Variants in INPP4A observed in about 807,000 individuals in gnomAD.
INPP4A encodes inositol polyphosphate-4-phosphatase, type I, 107kD.
A neutral mutation model predicts 119.8 loss-of-function variants in INPP4A; 33 were observed. The ratio of observed to expected loss-of-function variants is 0.28; its 90% CI spans 0.21 to 0.37. The LOEUF is 0.37. Ranked by LOEUF, INPP4A falls within the 10% of genes least tolerant of loss-of-function variation. The pLI is 1.00. For synonymous variants in INPP4A, 496 were observed against 500.7 expected (o/e 0.99, Z 0.12); for missense variants, 956 against 1,289.9 (o/e 0.74, Z 3.97).
Position 98,557,063 on chromosome 2 carries a change from A to G in INPP4A, c.1822+1255A>G, listed in dbSNP as rs989236763. Among the ~76,000 whole-genome samples the G allele has an allele frequency of 3.3e-5, 5 of 152,294 alleles. 1 individual carries two copies. The highest frequency in any genetic ancestry group is 2.0e-4 in the Admixed American group (3 of 15,306). ...TTTTCTACAGATAATGAAAAGGGTA[A>G]TTTATTGGCTGTTTTAAATGTGGGA... On this transcript the variant is annotated intron_variant, in intron 16 of 24. Coordinates refer to ENST00000409851, the MANE Select transcript of INPP4A (RefSeq NM_001134225.2).
At chr2:98,502,571 T>C (rs982469855) in intron 1 of INPP4A, among the ~76,000 whole-genome samples, 21 of 152,146 alleles carry the variant, frequency 1.4e-4, no homozygotes, top group African/African-American at 5.1e-4. Context: ...CAATGTATTC[T>C]CTCCCTCTCA....
At chr2:98,538,304 T>C (rs1261863276) in intron 8 of INPP4A, among the ~76,000 whole-genome samples, 1 of 152,258 alleles carries the variant, frequency 6.6e-6, no homozygotes, top group East Asian at 1.9e-4. Flanking sequence ...CAAAGAGGCA[T>C]TTAGGACCCA....
chr2:98,574,858 C>G (rs1462939608), intron 23 of INPP4A, among the ~76,000 whole-genome samples: 1 of 152,120 alleles, frequency 6.6e-6, no homozygotes, highest in Admixed American at 6.5e-5. Context: ...ACTGACCATC[C>G]CCTGTCACCA....
chr2:98,550,570 C>A (rs898798692), intron 13 of INPP4A, among the ~76,000 whole-genome samples: 1 of 152,188 alleles, frequency 6.6e-6, no homozygotes, highest in African/African-American at 2.4e-5. Context: ...AGGGCTATAC[C>A]TAGGATACTG....
intron 1 of INPP4A, among the ~76,000 whole-genome samples, chr2:98,514,777 G>C (rs1685781689): frequency 6.6e-6 from 1 of 152,110 alleles, no homozygotes; most frequent in Admixed American, 6.5e-5. Flanking sequence ...TAATTATCCA[G>C]ATGTGGTGGC....
intron 11 of INPP4A, among the ~76,000 whole-genome samples, chr2:98,545,467 G>A (rs1006740825): frequency 2.6e-5 from 4 of 152,162 alleles, no homozygotes; most frequent in African/African-American, 9.7e-5. Flanking sequence ...ATCTTGATGG[G>A]CCTGCAGGGA....
chr2:98,452,997 A>G (rs1695494292), intron 1 of INPP4A, among the ~76,000 whole-genome samples: 1 of 152,250 alleles, frequency 6.6e-6, no homozygotes, highest in Non-Finnish European at 1.5e-5. Context: ...GCCTGGAGAC[A>G]GCCCAAGTGA....
intron 1 of INPP4A, among the ~76,000 whole-genome samples, chr2:98,496,519 A>G (rs1359349261): frequency 1.3e-5 from 2 of 152,204 alleles, no homozygotes; most frequent in Admixed American, 6.5e-5. Context: ...AAAAATAGAA[A>G]AATGGCATTA....
At chr2:98,509,839 A>G (rs779032122) in intron 1 of INPP4A, among the ~76,000 whole-genome samples, 1 of 152,222 alleles carries the variant, frequency 6.6e-6, no homozygotes, top group African/African-American at 2.4e-5. Flanking sequence ...TTCATGGTAT[A>G]TGGGTGAACC....
chr2:98,560,004 A>G (rs1695177029), intron 17 of INPP4A, among the ~76,000 whole-genome samples: 1 of 152,276 alleles, frequency 6.6e-6, no homozygotes, highest in South Asian at 2.1e-4. Context: ...GTTAGAAACC[A>G]ACCTTGCCCA....
chr2:98,505,061 A>G (rs1190391436), intron 1 of INPP4A, among the ~76,000 whole-genome samples: 4 of 152,246 alleles, frequency 2.6e-5, no homozygotes, highest in Non-Finnish European at 4.4e-5. Context: ...CTCTGTTAGC[A>G]TGGACTTTTG....
rs1700440982 is a variant in INPP4A at position 98,592,317 on chromosome 2, G to A, written c.*4709G>A. 1 of 152,564 alleles carries A rather than the reference G, an allele frequency of 6.6e-6. No homozygotes were observed. The highest frequency in any genetic ancestry group is 6.5e-5 in the Admixed American group (1 of 15,290). The allele number at this position is 152,564 out of a possible 1,614,324, so 9.5% of individuals were successfully genotyped here. ...CGCTCCCTGTGGAACCTGCAGGGGT[G>A]GCAGTGATGACAGAACCAAGGGGGT... On this transcript the variant is annotated 3_prime_UTR_variant, in exon 25 of 25. Transcript: ENST00000409851.
chr2:98,505,422 A>T (rs979092868), intron 1 of INPP4A, among the ~76,000 whole-genome samples: 7 of 141,794 alleles, frequency 4.9e-5, no homozygotes, highest in African/African-American at 1.8e-4. Context: ...GAGCTCGTTC[A>T]CTTTCCCTGC....
intron 13 of INPP4A, among the ~76,000 whole-genome samples, chr2:98,551,155 G>A (rs938101702): frequency 6.6e-6 from 1 of 152,108 alleles, no homozygotes; most frequent in Non-Finnish European, 1.5e-5. Context: ...GGGGTCTCAC[G>A]ATGTTGCCCA....
intron 1 of INPP4A, among the ~76,000 whole-genome samples, chr2:98,448,883 T>G (rs753612968): frequency 5.3e-5 from 8 of 152,106 alleles, no homozygotes; most frequent in Non-Finnish European, 1.0e-4. Context: ...TTAAATATTT[T>G]ATAGGGGCTG....
At position 98,591,891 on chromosome 2, in the gene INPP4A, C is replaced by T. The variant is rs1428401703; in HGVS notation, c.*4283C>T. 5 of 152,250 alleles carry T rather than the reference C, an allele frequency of 3.3e-5. No individual in the cohort carries two copies. The highest frequency in any genetic ancestry group is 1.2e-4 in the African/African-American group (5 of 41,462). 9.4% of individuals were successfully genotyped at this position (152,250 alleles called of 1,614,324 possible). ...GAATAGAGGTTTCTCACAGTATCCT[C>T]AGCAGCATTGAGTGTTCCTAATGTT... On this transcript the variant is annotated 3_prime_UTR_variant, in exon 25 of 25. Transcript: ENST00000409851.
At chr2:98,583,326 CAA>C (rs11348569) in intron 24 of INPP4A, among the ~76,000 whole-genome samples, 2 of 148,926 alleles carry the variant, frequency 1.3e-5, no homozygotes. Flanking sequence ...GAAAAAATGC[CAA>C]AAAAAAAAGT....
At chr2:98,520,874 G>A in intron 4 of INPP4A, 143 bp downstream of exon 4, 1 of 573,390 alleles carries the variant, frequency 1.7e-6, no homozygotes. Context: ...AGAAGACGGA[G>A]CCCTCACAGT....
chr2:98,582,482 CAGAA>C (rs536571528), intron 24 of INPP4A, among the ~76,000 whole-genome samples: 18 of 149,792 alleles, frequency 1.2e-4, no homozygotes, highest in African/African-American at 3.9e-4. Flanking sequence ...ACGCCAGACA[CAGAA>C]AGATCACCTA....
Sources: allele counts gnomAD v4.1 joint callset (sites outside exome capture counted in the v4.1 genomes callset), GRCh38; gene constraint gnomAD v4.1.1; transcripts MANE v1.5; gene names NCBI Gene and HGNC (gene_info 2026-07-23, HGNC 2026-07-21).